Variants in NBEA observed in about 807,000 individuals in gnomAD.
The protein encoded by NBEA is lysosomal-trafficking regulator 2.
In NBEA, 44 loss-of-function variants were observed where a neutral mutation model predicts 343.4. The observed-to-expected ratio is 0.13, with a 90% CI of 0.10 to 0.16. The LOEUF is 0.16. Among genes scored for constraint, NBEA ranks in the 10% least tolerant of loss-of-function variants. The pLI, the probability that NBEA is intolerant of heterozygous loss-of-function variation, is 1.00. For missense variants in NBEA, 2,555 were observed against 3,631.3 expected, an observed-to-expected ratio of 0.70 and a Z score of 7.62; for synonymous variants, 1,175 against 1,238.7, an observed-to-expected ratio of 0.95 and a Z score of 1.08.
intron 51 of NBEA, among the ~76,000 whole-genome samples, chr13:35,647,979 G>A (rs919745313): frequency 6.6e-6 from 1 of 151,912 alleles, no homozygotes. Context: ...AGGCTCACAC[G>A]ATCTTTCTTC....
At chr13:35,208,619 A>T (rs2073559997) in intron 31 of NBEA, 81 bp from the exon 32 acceptor site, 1 of 1,218,038 alleles carries the variant, frequency 8.2e-7, no homozygotes, top group Middle Eastern at 2.1e-4. Flanking sequence ...TTCGATGTTG[A>T]CTATGTATAT....
At chr13:35,626,345 A>C (rs1002311621) in intron 48 of NBEA, among the ~76,000 whole-genome samples, 2 of 152,228 alleles carry the variant, frequency 1.3e-5, no homozygotes, top group Non-Finnish European at 1.5e-5. Context: ...TAAAAGCTCA[A>C]ATTATTGAAA....
At position 35,048,589 on chromosome 13, in the gene NBEA, G is replaced by A. The variant is rs780190052; in HGVS notation, c.750G>A (p.Lys250=). Residue 250 remains lysine, a synonymous_variant, in exon 5 of 59, where the codon AAG becomes AAA. Coordinates refer to ENST00000379939, the MANE Select transcript of NBEA (RefSeq NM_001385012.1). The part of the protein sequence containing the change: ...AAAIALPPIA[K]WPYQNGFTLN... ...CAATTGCCTTGCCTCCTATTGCAAAGTGGCCTTATCAGAATGGCTTCACCT... is the reference window on the plus strand; with the variant it reads ...CAATTGCCTTGCCTCCTATTGCAAAATGGCCTTATCAGAATGGCTTCACCT... The A allele has an allele frequency of 1.2e-6, 2 of 1,605,448 alleles. No individual in the cohort carries two copies. The highest frequency in any genetic ancestry group is 2.2e-5 in the South Asian group (2 of 90,308).
intron 36 of NBEA, among the ~76,000 whole-genome samples, chr13:35,345,925 G>A (rs978360739): frequency 6.6e-6 from 1 of 152,058 alleles, no homozygotes; most frequent in African/African-American, 2.4e-5. Context: ...GAGCTGCTGT[G>A]ATCAATGTTT....
chr13:35,304,153 C>G (rs2036729825), intron 35 of NBEA, among the ~76,000 whole-genome samples: 1 of 152,122 alleles, frequency 6.6e-6, no homozygotes, highest in Admixed American at 6.6e-5. Context: ...TTCTCTTCGA[C>G]AAGAAGACTT....
At position 35,549,455 on chromosome 13, in the gene NBEA, G is replaced by A. The variant is rs57988107; in HGVS notation, c.6586-1022G>A. On this transcript the variant is annotated intron_variant, in intron 41 of 58. Coordinates refer to ENST00000379939, the MANE Select transcript of NBEA (RefSeq NM_001385012.1). ...TCCCTCTGAATTGTTAATACACGTT[G>A]GTGTATCAGGAAGGAATGTGCTTGT... 8.4e-3 allele frequency among the ~76,000 whole-genome samples: 1,284 copies of A among 152,224 alleles called. 25 individuals are homozygous for A. The highest frequency in any genetic ancestry group is 0.03 in the African/African-American group (1,227 of 41,528).
chr13:35,153,972 A>C (rs1368913784), intron 18 of NBEA, among the ~76,000 whole-genome samples: 1 of 152,150 alleles, frequency 6.6e-6, no homozygotes, highest in Non-Finnish European at 1.5e-5. Context: ...TTTTCAAATA[A>C]ATTTTATCTC....
chr13:35,210,044 A>G (rs773436222), intron 32 of NBEA, among the ~76,000 whole-genome samples: 155 of 152,236 alleles, frequency 1.0e-3, no homozygotes, highest in Admixed American at 3.7e-3. Flanking sequence ...TATATACGTT[A>G]AAAGTGTAAA....
At chr13:35,615,787 C>G (rs1006183971) in intron 48 of NBEA, among the ~76,000 whole-genome samples, 2 of 152,078 alleles carry the variant, frequency 1.3e-5, no homozygotes, top group Non-Finnish European at 2.9e-5. Flanking sequence ...GAAGGAAATC[C>G]GAAGCCAGCT....
intron 24 of NBEA, among the ~76,000 whole-genome samples, chr13:35,165,647 A>G (rs2069951040): frequency 6.6e-6 from 1 of 151,170 alleles, no homozygotes; most frequent in African/African-American, 2.4e-5. Flanking sequence ...ATGCTTTCTA[A>G]TAGTGAGACA....
At chr13:35,306,723 A>G (rs570796027) in intron 35 of NBEA, among the ~76,000 whole-genome samples, 1 of 152,166 alleles carries the variant, frequency 6.6e-6, no homozygotes, top group African/African-American at 2.4e-5. Flanking sequence ...TCCTGAGGCA[A>G]TGTATATACG....
chr13:35,013,580 C>G (rs1455542589), intron 1 of NBEA, among the ~76,000 whole-genome samples: 1 of 151,810 alleles, frequency 6.6e-6, no homozygotes, highest in African/African-American at 2.4e-5. Context: ...AGGCGATTCT[C>G]CTGCCTCTGC....
At chr13:35,351,348 T>C (rs1211563913) in intron 37 of NBEA, among the ~76,000 whole-genome samples, 3 of 152,066 alleles carry the variant, frequency 2.0e-5, no homozygotes, top group South Asian at 2.1e-4. Flanking sequence ...GTTTTCTGTA[T>C]AAAAACTACA....
chr13:35,544,338 G>T (rs1408616992), intron 41 of NBEA, among the ~76,000 whole-genome samples: 1 of 151,994 alleles, frequency 6.6e-6, no homozygotes, highest in African/African-American at 2.4e-5. Flanking sequence ...TGCATTAGAT[G>T]ATTTGAGATC....
chr13:35,253,415 C>T (rs916282825), intron 34 of NBEA, among the ~76,000 whole-genome samples: 5 of 152,196 alleles, frequency 3.3e-5, no homozygotes, highest in Admixed American at 6.5e-5. Flanking sequence ...AGTGATATCA[C>T]ACACTTAGTA....
At chr13:35,060,421 G>A (rs2063423128) in intron 8 of NBEA, among the ~76,000 whole-genome samples, 1 of 151,736 alleles carries the variant, frequency 6.6e-6, no homozygotes, top group Non-Finnish European at 1.5e-5. Flanking sequence ...GTGATAATGA[G>A]CAGTAACCCT....
intron 1 of NBEA, among the ~76,000 whole-genome samples, chr13:34,981,453 A>G (rs905168369): frequency 1.3e-5 from 2 of 152,170 alleles, no homozygotes; most frequent in African/African-American, 4.8e-5. Flanking sequence ...CTGCCAGACT[A>G]TTTCCAAAGT....
At chr13:35,000,187 A>G (rs1275202390) in intron 1 of NBEA, among the ~76,000 whole-genome samples, 2 of 152,190 alleles carry the variant, frequency 1.3e-5, no homozygotes, top group Non-Finnish European at 2.9e-5. Context: ...ATCATTGCTG[A>G]AAGAATTATT....
chr13:35,231,928 A>G (rs578221248), intron 33 of NBEA, among the ~76,000 whole-genome samples: 62 of 152,298 alleles, frequency 4.1e-4, no homozygotes, highest in African/African-American at 1.4e-3. Context: ...GTGCTTATGT[A>G]TGGCTATTAA....
Sources: allele counts gnomAD v4.1 joint callset (sites outside exome capture counted in the v4.1 genomes callset), GRCh38; gene constraint gnomAD v4.1.1; transcripts MANE v1.5; gene names NCBI Gene and HGNC (gene_info 2026-07-23, HGNC 2026-07-21).